Variants in KLHL5 observed in about 807,000 individuals in gnomAD.
KLHL5 encodes kelch like family member 5, also known as kelch-like protein 5.
Under a neutral mutation model 77.7 loss-of-function variants are expected in KLHL5, and 48 were observed. The ratio of observed to expected loss-of-function variants is 0.62; its 90% CI spans 0.49 to 0.79. The LOEUF (loss-of-function observed/expected upper bound fraction) is 0.79. Ranked by LOEUF, KLHL5 falls within the 30% of genes least tolerant of loss-of-function variation. The pLI is 0.00. For missense variants in KLHL5, 723 were observed against 859.7 expected (o/e 0.84, Z 1.99); for synonymous variants, 260 against 297.0 (o/e 0.88, Z 1.28).
At chr4:39,114,412 C>G (rs539656766) in intron 9 of KLHL5, among the ~76,000 whole-genome samples, 1 of 152,302 alleles carries the variant, frequency 6.6e-6, no homozygotes, top group East Asian at 1.9e-4. Context: ...TCAACCTGAT[C>G]ACCTCTTAAA....
chr4:39,052,946 C>T (rs561917169), intron 1 of KLHL5, among the ~76,000 whole-genome samples: 4 of 152,270 alleles, frequency 2.6e-5, no homozygotes, highest in South Asian at 2.1e-4. Flanking sequence ...ATTCTAGCCT[C>T]GACTGATCTC....
chr4:39,109,326 C>T (rs1722274156), intron 8 of KLHL5, among the ~76,000 whole-genome samples: 1 of 152,124 alleles, frequency 6.6e-6, no homozygotes, highest in South Asian at 2.1e-4. Context: ...GAGAGAGTCT[C>T]ACTCTGTCGC....
intron 1 of KLHL5, among the ~76,000 whole-genome samples, chr4:39,055,933 T>C (rs1367896147): frequency 6.6e-6 from 1 of 152,254 alleles, no homozygotes; most frequent in African/African-American, 2.4e-5. Context: ...TTCCCTCGTA[T>C]ACTTATAGGT....
At chr4:39,138,571 A>G in the KLHL5 span, among the ~76,000 whole-genome samples, 1 of 152,140 alleles carries the variant, frequency 6.6e-6, no homozygotes, top group Non-Finnish European at 1.5e-5. Context: ...ATGGACACAT[A>G]GAGGGGAACA....
chr4:39,086,693 T>G lies in KLHL5; in HGVS notation c.1079T>G (p.Leu360Trp). ...AGACGGAAAGATCTAAGTAAACTTTTGGCTTATATTAGGCTACCTCTTCTT... is the reference window on the plus strand; with the variant it reads ...AGACGGAAAGATCTAAGTAAACTTTGGGCTTATATTAGGCTACCTCTTCTT... ...EQRRKDLSKLLAYIRLPLLAP... is the reference protein window; with the variant it reads ...EQRRKDLSKLWAYIRLPLLAP... Residue 360 changes from leucine to tryptophan, a missense_variant, in exon 5 of 11, where the codon TTG becomes TGG. By Grantham distance (61) the Leu-to-Trp change is moderately conservative. Transcript: ENST00000504108. 1 of 1,613,990 alleles carries G rather than the reference T, an allele frequency of 6.2e-7. No individual in the cohort carries two copies. The highest frequency in any genetic ancestry group is 8.5e-7 in the Non-Finnish European group (1 of 1,179,922).
At chr4:39,087,080 G>A (rs1023769376) in intron 5 of KLHL5, among the ~76,000 whole-genome samples, 6 of 151,518 alleles carry the variant, frequency 4.0e-5, no homozygotes, top group Non-Finnish European at 8.8e-5. Flanking sequence ...CTGGCTAATT[G>A]TTGTATTTTT....
rs184995654 is a variant in KLHL5 at position 39,113,175 on chromosome 4, G to A, written c.1844G>A (p.Gly615Glu). 1.2e-5 allele frequency: 20 copies of A among 1,613,996 alleles called. No homozygotes were observed. The highest frequency in any genetic ancestry group is 1.7e-5 in the Non-Finnish European group (20 of 1,179,990). Residue 615 changes from glycine to glutamate, a missense_variant, in exon 9 of 11, where the codon GGG becomes GAG. By Grantham distance (98) the Gly-to-Glu change is moderately conservative. This residue lies in a region of KLHL5 where 214 missense variants were observed against 237.4 expected (regional missense o/e 0.90). Coordinates refer to ENST00000504108, the MANE Select transcript of KLHL5 (RefSeq NM_015990.5). Reference sequence around the variant, plus strand: ...TGGAATGGACTGCTGTATGCTATAGGGGGGCACGATGCTCCCGCATCCAAC... The same window carrying A: ...TGGAATGGACTGCTGTATGCTATAGAGGGGCACGATGCTCCCGCATCCAAC... ...TTWNGLLYAI[G>E]GHDAPASNLT...
Position 39,062,581 on chromosome 4 carries a change from T to C in KLHL5, c.-72T>C, listed in dbSNP as rs1469571013. 1 of 1,614,164 alleles carries C rather than the reference T, an allele frequency of 6.2e-7. No individual in the cohort carries two copies. Among genetic ancestry groups the C allele is most frequent in the South Asian group, 1.1e-5 (1 of 91,086 alleles). ...CAGCAGGGCATATACTTCTCTTGTC[T>C]TGGTTGGATGCACAAATCTGTGTGC... On this transcript the variant is annotated 5_prime_UTR_variant, in exon 1 of 11. Coordinates refer to ENST00000504108, the MANE Select transcript of KLHL5 (RefSeq NM_015990.5).
intron 9 of KLHL5, among the ~76,000 whole-genome samples, chr4:39,113,955 C>T (rs1372693368): frequency 1.3e-5 from 2 of 151,900 alleles, no homozygotes; most frequent in Admixed American, 6.6e-5. Context: ...TTAATGAGTG[C>T]CCATGTGTGA....
downstream of KLHL5, among the ~76,000 whole-genome samples, chr4:39,129,016 C>T (rs1723687648): frequency 6.6e-6 from 1 of 151,844 alleles, no homozygotes; most frequent in Admixed American, 6.6e-5. The surrounding 1 kb of genome is among the most constrained non-coding windows in gnomAD (Gnocchi z 4.2). Flanking sequence ...GCCAAAGATG[C>T]AATCAGCAAG....
chr4:39,112,873 A>G (rs1722550004), intron 8 of KLHL5, 147 bp from the exon 9 acceptor site: 3 of 661,946 alleles, frequency 4.5e-6, no homozygotes, highest in Non-Finnish European at 7.7e-6. Context: ...CAAACATAGC[A>G]TACTTTTTTA....
rs1246830746 is a variant in KLHL5, at chr4:39,096,725, C to T, written c.1147C>T (p.Arg383Trp). 1.1e-5 allele frequency: 18 copies of T among 1,611,918 alleles called. No homozygotes were observed. In the Admixed American group the frequency reaches 1.7e-4, roughly 15 times the overall value. Residue 383 changes from arginine (R) to tryptophan (W), a missense_variant, in exon 6 of 11, where the codon CGG becomes TGG. By Grantham distance (101) the Arg-to-Trp change is moderately radical (BLOSUM62 -3). Coordinates refer to ENST00000504108, the MANE Select transcript of KLHL5 (RefSeq NM_015990.5). Reference sequence around the variant, plus strand: ...AGACATGGAAAATAATGTACTTTTTCGGGATGATATAGAATGTCAGAAACT... The same window carrying T: ...AGACATGGAAAATAATGTACTTTTTTGGGATGATATAGAATGTCAGAAACT... ...LADMENNVLF[R>W]DDIECQKLIM...
Position 39,099,248 on chromosome 4 carries a change from A to G in KLHL5, c.1300+2370A>G, listed in dbSNP as rs1441955423. ...GGTTGCAGTGAGCTGAAATCATACC[A>G]CTGTACCCCAGCCTGGGCAACAGAG... is the stretch of plus-strand genomic sequence containing the variant. On this transcript the variant is annotated intron_variant, in intron 6 of 10. Transcript: ENST00000504108. Among the ~76,000 whole-genome samples, 3 of 152,180 alleles carry G rather than the reference A, an allele frequency of 2.0e-5. No individual in the cohort carries two copies. In the East Asian group the frequency reaches 5.8e-4, roughly 29 times the overall value.
chr4:39,107,685 A>C lies in KLHL5; in HGVS notation c.1642A>C (p.Met548Leu). The change falls in exon 8 of 11, where the codon ATG becomes CTG. Residue 548 changes from methionine (M) to leucine (L), a missense_variant. By Grantham distance (15) the Met-to-Leu change is conservative (BLOSUM62 2). Coordinates refer to ENST00000504108, the MANE Select transcript of KLHL5 (RefSeq NM_015990.5). ...QARQWNFVAT[M>L]STPRSTVGVA... The stretch of plus-strand genomic sequence containing the variant: ...TCGCCAGTGGAATTTTGTTGCCACT[A>C]TGTCTACCCCTAGGAGTACAGTAGG... 6.2e-7 allele frequency: 1 copy of C among 1,613,130 alleles called. No homozygotes were observed. Among genetic ancestry groups the C allele is most frequent in the Non-Finnish European group, 8.5e-7 (1 of 1,179,276 alleles).
At chr4:39,099,051 G>T (rs1018659247) in intron 6 of KLHL5, among the ~76,000 whole-genome samples, 1 of 152,164 alleles carries the variant, frequency 6.6e-6, no homozygotes, top group African/African-American at 2.4e-5. Context: ...GGGAGGCCAA[G>T]GCGGGTGGAT....
upstream of KLHL5, chr4:39,044,954 A>G (rs1305705206): frequency 1.2e-6 from 1 of 860,106 alleles, no homozygotes; most frequent in Non-Finnish European, 1.3e-6. Flanking sequence ...GCCGGGGATG[A>G]GGCTGCCCGG....
intron 5 of KLHL5, among the ~76,000 whole-genome samples, chr4:39,094,831 A>C (rs958599611): frequency 1.3e-5 from 2 of 152,036 alleles, no homozygotes; most frequent in Non-Finnish European, 2.9e-5. Context: ...CTCCACTCAT[A>C]CTCTATTTAA....
chr4:39,142,228 G>T, the KLHL5 span, among the ~76,000 whole-genome samples: 1 of 151,842 alleles, frequency 6.6e-6, no homozygotes, highest in Non-Finnish European at 1.5e-5. Flanking sequence ...TTTAAAAATT[G>T]ATTTATTTAT....
At chr4:39,055,264 CA>C (rs1716931022) in intron 1 of KLHL5, among the ~76,000 whole-genome samples, 1 of 152,174 alleles carries the variant, frequency 6.6e-6, no homozygotes. Context: ...ACTGGTTCAG[CA>C]AATGTTTTGT....
Sources: allele counts gnomAD v4.1 joint callset (sites outside exome capture counted in the v4.1 genomes callset), GRCh38; gene constraint gnomAD v4.1.1; regional missense constraint gnomAD v4.1.1; non-coding constraint Gnocchi (gnomAD v3.1); transcripts MANE v1.5; gene names NCBI Gene and HGNC (gene_info 2026-07-23, HGNC 2026-07-21).